Variants in ANKRD17 observed in about 807,000 individuals in gnomAD.
ANKRD17 encodes ankyrin repeat domain 17, also known as ankyrin repeat domain-containing protein 17.
A neutral mutation model predicts 229.7 loss-of-function variants in ANKRD17; 19 were observed. That is an observed-to-expected ratio of 0.08 (90% CI 0.06 to 0.12). ANKRD17 has a LOEUF of 0.12. Among genes scored for constraint, ANKRD17 ranks in the 10% least tolerant of loss-of-function variants. ANKRD17 has a pLI of 1.00. For synonymous variants in ANKRD17, 1,112 were observed against 1,146.1 expected (o/e 0.97, Z 0.60); for missense variants, 2,176 against 3,176.8 (o/e 0.68, Z 7.57).
At chr4:73,129,811 C>T (rs745911496) in intron 16 of ANKRD17, among the ~76,000 whole-genome samples, 9 of 147,638 alleles carry the variant, frequency 6.1e-5, no homozygotes, top group Non-Finnish European at 1.0e-4. Context: ...GTCGCCAAGG[C>T]TAGAGTGCAG....
chr4:73,080,368 G>A (rs987022951), intron 30 of ANKRD17, among the ~76,000 whole-genome samples: 1 of 151,978 alleles, frequency 6.6e-6, no homozygotes, highest in Non-Finnish European at 1.5e-5. Flanking sequence ...TGAAGGAACA[G>A]CATAATTCAG....
rs941401239 is a variant in ANKRD17 at position 73,142,322 on chromosome 4, A to G, written c.2149T>C (p.Leu717=). Residue 717 remains leucine, a synonymous_variant, in exon 13 of 34, where the codon TTG becomes CTG. Coordinates refer to ENST00000358602, the MANE Select transcript of ANKRD17 (RefSeq NM_032217.5). ...GGHTSVVCYL[L]DYPNNLLSAP... ...GAAAGCAAGTTATTAGGATAATCCA[A>G]GAGATAGCAAACAACACTTGTATGG... 6 of 1,580,824 alleles carry G rather than the reference A, an allele frequency of 3.8e-6. No individual in the cohort carries two copies. The highest frequency in any genetic ancestry group is 1.2e-5 in the South Asian group (1 of 83,644).
chr4:73,158,190 G>GAAAGAAAGAAAGAAAGAAAGAAAGAA (rs1560618018), intron 3 of ANKRD17, among the ~76,000 whole-genome samples: 3 of 87,856 alleles, frequency 3.4e-5, no homozygotes, highest in African/African-American at 6.8e-5. Flanking sequence ...GAAAGAAAGA[G>GAAAGAAAGAAAGAAAGAAAGAAAGAA]AGAGAAAGAA....
intron 1 of ANKRD17, among the ~76,000 whole-genome samples, chr4:73,182,965 G>A (rs926637771): frequency 6.6e-6 from 1 of 152,084 alleles, no homozygotes; most frequent in Non-Finnish European, 1.5e-5. Context: ...TCCCTTAGAA[G>A]AGAAAATTAA....
intron 27 of ANKRD17, among the ~76,000 whole-genome samples, chr4:73,095,423 A>G (rs1723185603): frequency 6.6e-6 from 1 of 151,450 alleles, no homozygotes; most frequent in African/African-American, 2.4e-5. Flanking sequence ...CAACATGGTG[A>G]AATCTCATCT....
rs1310530209 is a variant in ANKRD17 at position 73,085,340 on chromosome 4, T to C, written c.7068A>G (p.Ala2356=). ...CAGCTGCGGGTGCTCCTCCAAGGGG[T>C]GCCCCAGGTCCGTACATCTGACCTC... ...ISGGQMYGPG[A]PLGGAPAAAN... is the part of the protein sequence containing the mutation. The change falls in exon 30 of 34, where the codon GCA becomes GCG. Residue 2356 remains alanine, a synonymous_variant. Coordinates refer to ENST00000358602, the MANE Select transcript of ANKRD17 (RefSeq NM_032217.5). 2 of 1,613,882 alleles carry C rather than the reference T, an allele frequency of 1.2e-6. No homozygotes were observed. The highest frequency in any genetic ancestry group is 1.3e-5 in the African/African-American group (1 of 74,862).
chr4:73,177,128 G>A (rs533625467), intron 2 of ANKRD17, among the ~76,000 whole-genome samples: 1 of 152,184 alleles, frequency 6.6e-6, no homozygotes, highest in South Asian at 2.1e-4. Context: ...CATAATTCAC[G>A]AATAATCAAA....
In ANKRD17 at chr4:73,077,412, A is replaced by T; in HGVS notation, c.7530T>A (p.Pro2510=). ...GAACATGCTGATGGAATGTACCAGA[A>T]GGAGTTACAATTCCTGTACTATCTC... The part of the protein sequence containing the change: ...MERDSTGIVT[P]SGTFHQHVPA... Residue 2510 remains proline, a synonymous_variant, in exon 32 of 34, where the codon CCT becomes CCA. Coordinates refer to ENST00000358602, the MANE Select transcript of ANKRD17 (RefSeq NM_032217.5). 1 of 1,613,860 alleles carries T rather than the reference A, an allele frequency of 6.2e-7. No homozygotes were observed. Among genetic ancestry groups the T allele is most frequent in the Non-Finnish European group, 8.5e-7 (1 of 1,179,912 alleles).
In ANKRD17 at chr4:73,118,778, G is replaced by A. The variant is rs556084487; in HGVS notation, c.4098C>T (p.Leu1366=). ...PLWLAANGGH[L]DVVQLLVQAG... ...CTTGCACCAGTAACTGAACCACATC[G>A]AGGTGTCCACCATTTGCTGCTAGCC... Residue 1366 remains leucine (L), a synonymous_variant, in exon 22 of 34, where the codon CTC becomes CTT. Transcript: ENST00000358602. 1.2e-4 allele frequency: 190 copies of A among 1,613,768 alleles called. 2 individuals are homozygous for A. In the South Asian group the frequency reaches 1.9e-3, roughly 16 times the overall value.
intron 3 of ANKRD17, among the ~76,000 whole-genome samples, chr4:73,156,781 C>A (rs560152386): frequency 2.0e-5 from 3 of 152,114 alleles, no homozygotes; most frequent in Non-Finnish European, 2.9e-5. Context: ...TCCTGTACAG[C>A]CTGTGGAACT....
intron 1 of ANKRD17, among the ~76,000 whole-genome samples, chr4:73,193,373 A>T (rs1180013084): frequency 6.6e-6 from 1 of 152,212 alleles, no homozygotes; most frequent in Non-Finnish European, 1.5e-5. Flanking sequence ...TTAAATACGT[A>T]CATAAGAGGA....
intron 1 of ANKRD17, among the ~76,000 whole-genome samples, chr4:73,226,538 C>T (rs1377103606): frequency 4.6e-5 from 7 of 151,606 alleles, no homozygotes; most frequent in Admixed American, 3.9e-4. Context: ...GGATTACAGG[C>T]GCCTGCCACC....
chr4:73,143,409 C>A (rs1009335637), intron 11 of ANKRD17, among the ~76,000 whole-genome samples: 3 of 152,182 alleles, frequency 2.0e-5, no homozygotes, highest in Non-Finnish European at 4.4e-5. Flanking sequence ...AAATTACAGG[C>A]ATGAGCCATT....
intron 29 of ANKRD17, among the ~76,000 whole-genome samples, chr4:73,085,673 A>G (rs1722041989): frequency 7.4e-6 from 1 of 135,114 alleles, no homozygotes; most frequent in Non-Finnish European, 1.6e-5. Flanking sequence ...ACACATCGAG[A>G]CCCCACCTCA....
chr4:73,250,258 C>T (rs77639625), intron 1 of ANKRD17, among the ~76,000 whole-genome samples: 1 of 152,038 alleles, frequency 6.6e-6, no homozygotes, highest in Admixed American at 6.6e-5. Flanking sequence ...TTCTTATCAG[C>T]ATAATTCACT....
intron 1 of ANKRD17, among the ~76,000 whole-genome samples, chr4:73,252,789 G>A (rs982626878): frequency 6.6e-6 from 1 of 152,010 alleles, no homozygotes; most frequent in African/African-American, 2.4e-5. Context: ...TCAGTATGAA[G>A]TTTTCATCTT....
intron 26 of ANKRD17, among the ~76,000 whole-genome samples, chr4:73,097,669 G>A (rs1176283362): frequency 6.6e-6 from 1 of 151,866 alleles, no homozygotes; most frequent in Non-Finnish European, 1.5e-5. Flanking sequence ...GAACTCCTGG[G>A]CCCAAACAAT....
chr4:73,189,943 A>G (rs955190996), intron 1 of ANKRD17, among the ~76,000 whole-genome samples: 6 of 152,258 alleles, frequency 3.9e-5, no homozygotes, highest in African/African-American at 7.2e-5. Context: ...ACTAACATTA[A>G]TGCAATCACC....
At chr4:73,198,258 AATC>A (rs1474184551) in intron 1 of ANKRD17, among the ~76,000 whole-genome samples, 1 of 152,196 alleles carries the variant, frequency 6.6e-6, no homozygotes, top group Non-Finnish European at 1.5e-5. Context: ...GTGATAAAAT[AATC>A]ATCATTTAAT....
Sources: gnomAD v4.1 joint callset for allele counts (sites outside exome capture counted in the v4.1 genomes callset) on GRCh38, gnomAD v4.1.1 for gene constraint, MANE v1.5 for transcripts, NCBI Gene and HGNC (gene_info 2026-07-23, HGNC 2026-07-21) for gene names.